Variants in FBXO4 observed in about 807,000 individuals in gnomAD.
FBXO4 encodes the protein F-box protein 4, also known as F-box only protein 4.
In FBXO4, 36 loss-of-function variants were observed where a neutral mutation model predicts 43.7. The observed-to-expected ratio is 0.82, with a 90% CI of 0.63 to 1.09. The LOEUF (loss-of-function observed/expected upper bound fraction) is 1.09. FBXO4 is among the 50% of genes least tolerant of loss of function. The pLI, the probability that FBXO4 is intolerant of heterozygous loss-of-function variation, is 0.00. For missense variants in FBXO4, 435 were observed against 474.1 expected (o/e 0.92, Z 0.77); for synonymous variants, 180 against 165.6 (o/e 1.09, Z -0.67).
At chr5:41,934,439 A>C in intron 5 of FBXO4, 131 bp downstream of exon 5, 1 of 1,505,358 alleles carries the variant, frequency 6.6e-7, no homozygotes, top group South Asian at 1.3e-5. Context: ...TCTGACCCTT[A>C]CTATTAATAG....
At chr5:41,929,954 T>C (rs766674885) in intron 3 of FBXO4, 37 bp downstream of exon 3, 26 of 1,409,750 alleles carry the variant, frequency 1.8e-5, no homozygotes, top group African/African-American at 2.9e-5. Context: ...ATTCAAACAC[T>C]TTGAGCTTGA....
chr5:41,957,445 AATTATATT>A, the FBXO4 span, among the ~76,000 whole-genome samples: 1 of 148,010 alleles, frequency 6.8e-6, no homozygotes, highest in Non-Finnish European at 1.5e-5. Flanking sequence ...ATAATTATAT[AATTATATT>A]ATAATTATAT....
At chr5:41,981,280 T>G in the FBXO4 span, among the ~76,000 whole-genome samples, 1 of 152,092 alleles carries the variant, frequency 6.6e-6, no homozygotes, top group African/African-American at 2.4e-5. Flanking sequence ...ATTAGTTAAT[T>G]TATCCCAGTT....
chr5:41,953,153 C>T, the FBXO4 span, among the ~76,000 whole-genome samples: 20 of 151,826 alleles, frequency 1.3e-4, no homozygotes, highest in South Asian at 4.0e-3. Flanking sequence ...CCCGTCCCCC[C>T]ACCCCACAAC....
chr5:42,026,304 G>A, the FBXO4 span, among the ~76,000 whole-genome samples: 1 of 151,698 alleles, frequency 6.6e-6, no homozygotes, highest in Non-Finnish European at 1.5e-5. Flanking sequence ...TATTGTAAAT[G>A]ACATTACTTT....
At chr5:42,035,796 C>T in the FBXO4 span, among the ~76,000 whole-genome samples, 1 of 152,014 alleles carries the variant, frequency 6.6e-6, no homozygotes, top group East Asian at 1.9e-4. Context: ...TGTGCACTTT[C>T]CATTTTTTCA....
chr5:42,013,790 C>G, the FBXO4 span, among the ~76,000 whole-genome samples: 1 of 152,328 alleles, frequency 6.6e-6, no homozygotes, highest in East Asian at 1.9e-4. Context: ...TCTTTGCCAG[C>G]TTTTTCTCAG....
chr5:41,928,397 C>CAA, intron 2 of FBXO4: 1 of 149,682 alleles, frequency 6.7e-6, no homozygotes, highest in Non-Finnish European at 1.5e-5. Context: ...TGCAGTGGAG[C>CAA]GATCTCGGCT....
the FBXO4 span, among the ~76,000 whole-genome samples, chr5:41,952,952 CT>C: frequency 4.6e-5 from 7 of 151,242 alleles, no homozygotes; most frequent in East Asian, 1.9e-4. Context: ...CAGTTTTTTT[CT>C]TTTTTTATGT....
In FBXO4 at chr5:41,933,985, A is replaced by G. The variant is rs773322764; in HGVS notation, c.686A>G (p.His229Arg). 6.2e-7 allele frequency: 1 copy of G among 1,613,910 alleles called. No homozygotes were observed. The highest frequency in any genetic ancestry group is 8.5e-7 in the Non-Finnish European group (1 of 1,179,956). The change falls in exon 4 of 7, where the codon CAT (histidine) becomes CGT (arginine). Residue 229 changes from histidine (H) to arginine (R), a missense_variant. His to Arg is a conservative substitution (Grantham distance 29). Transcript: ENST00000281623. ...SGVNFQLNNQ[H>R]KFNILILYST... ...GTCAATTTTCAGTTGAACAACCAAC[A>G]TAAATTCAACATTCTAATCTTATAT...
the FBXO4 span, among the ~76,000 whole-genome samples, chr5:41,985,146 T>C: frequency 1.3e-5 from 2 of 152,230 alleles, no homozygotes; most frequent in Admixed American, 1.3e-4. Context: ...CCTTGTGATT[T>C]TTCTATCGTC....
the FBXO4 span, among the ~76,000 whole-genome samples, chr5:42,038,174 T>G: frequency 6.6e-6 from 1 of 151,922 alleles, no homozygotes; most frequent in Non-Finnish European, 1.5e-5. Flanking sequence ...GTGGAGAAAA[T>G]AGATGGGTGG....
intron 5 of FBXO4, chr5:41,934,673 TACTG>T: frequency 9.2e-7 from 1 of 1,085,682 alleles, no homozygotes. Flanking sequence ...ATTTTTTTGA[TACTG>T]ACATTTTGTC....
chr5:41,967,579 AT>A, the FBXO4 span: 44 of 1,120,480 alleles, frequency 3.9e-5, no homozygotes, highest in Non-Finnish European at 5.2e-5. Flanking sequence ...GCATTACAAC[AT>A]TTTTTGACCT....
chr5:41,964,208 T>A, the FBXO4 span, among the ~76,000 whole-genome samples: 1 of 152,326 alleles, frequency 6.6e-6, no homozygotes, highest in Non-Finnish European at 1.5e-5. Context: ...TTAAAATATT[T>A]CAGATTTTAG....
chr5:41,951,721 G>A, the FBXO4 span: 1 of 219,954 alleles, frequency 4.5e-6, no homozygotes, highest in South Asian at 7.0e-5. Flanking sequence ...GGGTGGCAAT[G>A]TCCACATAGC....
At chr5:41,956,943 C>G in the FBXO4 span, among the ~76,000 whole-genome samples, 34 of 151,794 alleles carry the variant, frequency 2.2e-4, no homozygotes, top group Non-Finnish European at 4.1e-4. Context: ...AACTCCTGAC[C>G]TTAGGTGATC....
the FBXO4 span, among the ~76,000 whole-genome samples, chr5:41,948,519 A>T: frequency 1.3e-5 from 2 of 151,966 alleles, no homozygotes; most frequent in African/African-American, 4.8e-5. Context: ...TTTTAATATT[A>T]TACTACTTTA....
chr5:41,986,371 A>G, the FBXO4 span, among the ~76,000 whole-genome samples: 1 of 152,096 alleles, frequency 6.6e-6, no homozygotes, highest in African/African-American at 2.4e-5. Context: ...ACAACTATTG[A>G]CTGTAAAATT....
Sources: allele counts gnomAD v4.1 joint callset (sites outside exome capture counted in the v4.1 genomes callset), GRCh38; gene constraint gnomAD v4.1.1; transcripts MANE v1.5; gene names NCBI Gene and HGNC (gene_info 2026-07-23, HGNC 2026-07-21).